TRARG1: variants seen among roughly 807,000 people sequenced by gnomAD.
The protein encoded by TRARG1 is trafficking regulator of GLUT4 (SLC2A4) 1 (gene/pseudogene).
TRARG1 carries 16 observed loss-of-function variants against 13.3 expected under a neutral mutation model. That is an observed-to-expected ratio of 1.20 (90% CI 0.81 to 1.83). TRARG1 has a LOEUF of 1.83. Among genes scored for constraint, TRARG1 ranks in the 40% most tolerant of loss-of-function variants. The pLI is 0.00. For synonymous variants in TRARG1, 113 were observed against 106.2 expected (o/e 1.06, Z -0.39); for missense variants, 250 against 237.4 (o/e 1.05, Z -0.35).
In TRARG1 at chr17:1,298,555, A is replaced by G. The variant is rs1455463760; in HGVS notation, c.*291A>G. ...AGTCTGGCTTGTTTCTCATTCCCAC[A>G]ATTTCCTGGGTTCCACCAAGCAGCG... is the stretch of plus-strand genomic sequence containing the variant. On this transcript the variant is annotated 3_prime_UTR_variant, in exon 3 of 3. Transcript: ENST00000333813. 2 of 395,030 alleles carry G rather than the reference A, an allele frequency of 5.1e-6. No homozygotes were observed. Among genetic ancestry groups the G allele is most frequent in the Non-Finnish European group, 9.0e-6 (2 of 222,932 alleles). 24.5% of individuals were successfully genotyped at this position (395,030 alleles called of 1,614,324 possible).
At position 1,298,553 on chromosome 17, in the gene TRARG1, A is replaced by G. The variant is rs1322250832; in HGVS notation, c.*289A>G. 5.0e-6 allele frequency: 2 copies of G among 397,564 alleles called. No homozygotes were observed. The highest frequency in any genetic ancestry group is 1.8e-4 in the South Asian group (2 of 11,240). 24.6% of individuals were successfully genotyped at this position (397,564 alleles called of 1,614,324 possible). A position where few individuals can be genotyped will look rare whatever the true frequency, so the allele number is the denominator to read the frequency against. On this transcript the variant is annotated 3_prime_UTR_variant, in exon 3 of 3. Coordinates refer to ENST00000333813, the MANE Select transcript of TRARG1 (RefSeq NM_172367.3). ...GCAGTCTGGCTTGTTTCTCATTCCC[A>G]CAATTTCCTGGGTTCCACCAAGCAG...
intron 1 of TRARG1, among the ~76,000 whole-genome samples, chr17:1,293,712 G>A (rs1370472614): frequency 1.3e-5 from 2 of 152,010 alleles, no homozygotes; most frequent in African/African-American, 2.4e-5. Context: ...GTTTGATGAT[G>A]TCACAGGTTG....
chr17:1,298,601 G>C lies in TRARG1; in HGVS notation c.*337G>C, dbSNP rs1050363241. ...CAGCGAAAACTGCCAGGATGAATGA[G>C]GAAAAAACCCAGCCCCACAAACGAG... On this transcript the variant is annotated 3_prime_UTR_variant, in exon 3 of 3. Transcript: ENST00000333813. 1.2e-5 allele frequency: 4 copies of C among 337,524 alleles called. No homozygotes were observed. The highest frequency in any genetic ancestry group is 2.1e-5 in the Non-Finnish European group (4 of 186,978). 20.9% of individuals were successfully genotyped at this position (337,524 alleles called of 1,614,324 possible). A position where few individuals can be genotyped will look rare whatever the true frequency, so the allele number is the denominator to read the frequency against.
At chr17:1,289,594 C>T (rs1157734452) in intron 1 of TRARG1, among the ~76,000 whole-genome samples, 55 of 151,218 alleles carry the variant, frequency 3.6e-4, no homozygotes, top group Non-Finnish European at 6.8e-4. Flanking sequence ...TTGTGCTTCC[C>T]AGATGCTGCC....
Position 1,279,691 on chromosome 17 carries a change from C to T in TRARG1, c.-311C>T, listed in dbSNP as rs375637171. ...TCTTCTCTCTGCTCTCTGAGCTTTC[C>T]GTTGCTTCCCTGCCCATCTGTGCTC... On this transcript the variant is annotated 5_prime_UTR_variant, in exon 1 of 3. Coordinates refer to ENST00000333813, the MANE Select transcript of TRARG1 (RefSeq NM_172367.3). 8.4e-6 allele frequency: 3 copies of T among 355,704 alleles called. No homozygotes were observed. Among genetic ancestry groups the T allele is most frequent in the Middle Eastern group, 8.4e-4 (1 of 1,196 alleles). The allele number at this position is 355,704 out of a possible 1,614,324, so 22.0% of individuals were successfully genotyped here. A position where few individuals can be genotyped will look rare whatever the true frequency, so the allele number is the denominator to read the frequency against.
At position 1,279,803 on chromosome 17, in the gene TRARG1, A is replaced by T; in HGVS notation, c.-199A>T. 1.8e-6 allele frequency: 1 copy of T among 551,048 alleles called. No homozygotes were observed. The highest frequency in any genetic ancestry group is 3.1e-6 in the Non-Finnish European group (1 of 326,042). The allele number at this position is 551,048 out of a possible 1,614,324, so 34.1% of individuals were successfully genotyped here. A position where few individuals can be genotyped will look rare whatever the true frequency, so the allele number is the denominator to read the frequency against. The stretch of plus-strand genomic sequence containing the variant: ...TGGGAGCTCCGCGGGGGCAGCAGGC[A>T]GGCCCCAGCCTCTGAACTCAGCTGG... On this transcript the variant is annotated 5_prime_UTR_variant, in exon 1 of 3. Coordinates refer to ENST00000333813, the MANE Select transcript of TRARG1 (RefSeq NM_172367.3).
Position 1,280,022 on chromosome 17 carries a change from C to G in TRARG1, c.21C>G (p.Ser7=). The part of the protein sequence containing the change: MAHPVQ[S]EFPSAQEPGS... Reference sequence around the variant, plus strand: ...CCCCCATGGCCCACCCGGTGCAGTCCGAGTTTCCTTCAGCACAGGAGCCAG... The same window carrying G: ...CCCCCATGGCCCACCCGGTGCAGTCGGAGTTTCCTTCAGCACAGGAGCCAG... Residue 7 remains serine, a synonymous_variant, in exon 1 of 3, where the codon TCC becomes TCG. Transcript: ENST00000333813. 5.6e-6 allele frequency: 9 copies of G among 1,612,554 alleles called. No homozygotes were observed. The highest frequency in any genetic ancestry group is 7.6e-6 in the Non-Finnish European group (9 of 1,179,594).
rs1332672268 is a variant in TRARG1 at position 1,298,323 on chromosome 17, C to G, written c.*59C>G. On this transcript the variant is annotated 3_prime_UTR_variant, in exon 3 of 3. Coordinates refer to ENST00000333813, the MANE Select transcript of TRARG1 (RefSeq NM_172367.3). The stretch of plus-strand genomic sequence containing the variant: ...CCCTGGCCATCGGGAGAGCTCTGAC[C>G]TGCACACCGCGGGAGGCCAGGGTGC... 24 of 1,596,090 alleles carry G rather than the reference C, an allele frequency of 1.5e-5. No homozygotes were observed. The highest frequency in any genetic ancestry group is 2.1e-5 in the Non-Finnish European group (24 of 1,169,000).
rs1053255729 is a variant in TRARG1, at chr17:1,299,996, G to C, written c.*1732G>C. 1.3e-5 allele frequency: 2 copies of C among 152,452 alleles called. No individual in the cohort carries two copies. Among genetic ancestry groups the C allele is most frequent in the Admixed American group, 1.3e-4 (2 of 15,280 alleles). The allele number at this position is 152,452 out of a possible 1,614,324, so 9.4% of individuals were successfully genotyped here. On this transcript the variant is annotated 3_prime_UTR_variant, in exon 3 of 3. Transcript: ENST00000333813. ...AGGGCAGGGGTGCAGGGCTCAGGGGGCCCGGGCTGGTCCTTTGGGGCTGGT... is the reference window on the plus strand; with the variant it reads ...AGGGCAGGGGTGCAGGGCTCAGGGGCCCCGGGCTGGTCCTTTGGGGCTGGT...
intron 1 of TRARG1, among the ~76,000 whole-genome samples, chr17:1,286,429 GTGT>G (rs1178875827): frequency 7.0e-6 from 1 of 142,774 alleles, no homozygotes. Flanking sequence ...AGCCTGTGGG[GTGT>G]TGTTGTCGGC....
At chr17:1,292,994 TGAGAG>T (rs2072083486) in intron 1 of TRARG1, among the ~76,000 whole-genome samples, 1 of 151,790 alleles carries the variant, frequency 6.6e-6, no homozygotes, top group Non-Finnish European at 1.5e-5. Context: ...GGGAGATCTT[TGAGAG>T]GAAAGAGGCC....
intron 1 of TRARG1, among the ~76,000 whole-genome samples, chr17:1,291,268 G>A (rs1029671388): frequency 4.6e-5 from 7 of 152,080 alleles, no homozygotes; most frequent in African/African-American, 7.2e-5. Context: ...CCGCCACCGC[G>A]CCCAGCTAAT....
chr17:1,297,027 G>C (rs925203059), intron 2 of TRARG1, among the ~76,000 whole-genome samples: 3 of 152,106 alleles, frequency 2.0e-5, no homozygotes, highest in African/African-American at 7.2e-5. Flanking sequence ...GGGTCATCCG[G>C]GTCTGAACTG....
chr17:1,291,449 GCACTTTT>G (rs1462316266), intron 1 of TRARG1, among the ~76,000 whole-genome samples: 2 of 152,184 alleles, frequency 1.3e-5, no homozygotes, highest in Non-Finnish European at 2.9e-5. Context: ...GTTTTGTTCG[GCACTTTT>G]CCTTTCTGCC....
At chr17:1,292,931 AGT>A (rs1327046417) in intron 1 of TRARG1, among the ~76,000 whole-genome samples, 1 of 152,174 alleles carries the variant, frequency 6.6e-6, no homozygotes, top group Non-Finnish European at 1.5e-5. Context: ...AAATACAGAC[AGT>A]GTGAATCGGG....
chr17:1,294,468 CTT>C (rs542504095), intron 1 of TRARG1, among the ~76,000 whole-genome samples: 36,786 of 113,330 alleles, frequency 0.32, 5,625 homozygotes, highest in East Asian at 0.5. Context: ...AAGACAGTGT[CTT>C]TTTTTTTTTT....
At chr17:1,288,380 T>G (rs183634165) in intron 1 of TRARG1, among the ~76,000 whole-genome samples, 1 of 31,980 alleles carries the variant, frequency 3.1e-5, no homozygotes, top group Non-Finnish European at 5.6e-5. Context: ...CCATCCCCCA[T>G]GGGCTCCTCA....
chr17:1,289,773 T>C (rs2072057315), intron 1 of TRARG1, among the ~76,000 whole-genome samples: 1 of 152,054 alleles, frequency 6.6e-6, no homozygotes, highest in Admixed American at 6.6e-5. Context: ...TCCTGCATGC[T>C]GGGACCGGTT....
Position 1,280,401 on chromosome 17 carries a change from CT to C in TRARG1, c.387+16del. On this transcript the variant is annotated intron_variant, in intron 1 of 2. Transcript: ENST00000333813. ...CATTTCCATCATGGTAAGTGCTGGT[CT>C]TTGTTCCAGGGGCAGGGGCTGGGCC... is the stretch of plus-strand genomic sequence containing the variant. The C allele has an allele frequency of 6.4e-7, 1 of 1,567,822 alleles. No individual in the cohort carries two copies.
Sources: gnomAD v4.1 joint callset for allele counts (sites outside exome capture counted in the v4.1 genomes callset) on GRCh38, gnomAD v4.1.1 for gene constraint, MANE v1.5 for transcripts, NCBI Gene and HGNC (gene_info 2026-07-23, HGNC 2026-07-21) for gene names.